The following RNGTT variants were observed in gnomAD, a reference collection of about 807,000 sequenced individuals.
RNGTT encodes RNA guanylyltransferase and 5'-phosphatase.
Under a neutral mutation model 79.3 loss-of-function variants are expected in RNGTT, and 33 were observed. That is an observed-to-expected ratio of 0.42 (90% CI 0.32 to 0.56). RNGTT has a LOEUF of 0.56. RNGTT is among the 20% of genes least tolerant of loss of function. RNGTT has a pLI of 0.17. For missense variants in RNGTT, 497 were observed against 739.1 expected (o/e 0.67, Z 3.80); for synonymous variants, 222 against 235.9 (o/e 0.94, Z 0.54).
intron 13 of RNGTT, among the ~76,000 whole-genome samples, chr6:88,724,549 T>C (rs1216844745): frequency 2.0e-5 from 3 of 152,096 alleles, no homozygotes; most frequent in South Asian, 2.1e-4. Context: ...GAAGAAAATT[T>C]TTCCACAGAC....
intron 13 of RNGTT, among the ~76,000 whole-genome samples, chr6:88,765,440 C>T (rs900626179): frequency 1.3e-5 from 2 of 152,160 alleles, no homozygotes; most frequent in African/African-American, 4.8e-5. Flanking sequence ...GCTGAATTTA[C>T]ATGCATCATT....
chr6:88,664,537 C>CCTA (rs1246057643), intron 14 of RNGTT, among the ~76,000 whole-genome samples: 6 of 152,172 alleles, frequency 3.9e-5, no homozygotes, highest in African/African-American at 1.4e-4. Context: ...GAAATGCTGA[C>CCTA]CTACTAGCTG....
intron 13 of RNGTT, among the ~76,000 whole-genome samples, chr6:88,729,979 T>C (rs1392770704): frequency 2.0e-5 from 3 of 152,146 alleles, no homozygotes; most frequent in Non-Finnish European, 4.4e-5. Context: ...ACACCATGCA[T>C]CTGTGGGTTG....
chr6:88,945,343 G>A (rs1784973541), intron 1 of RNGTT, among the ~76,000 whole-genome samples: 1 of 152,136 alleles, frequency 6.6e-6, no homozygotes, highest in South Asian at 2.1e-4. Context: ...GAAAATATTT[G>A]TCACAGTCAC....
chr6:88,796,848 GT>G (rs1358021422), intron 12 of RNGTT, among the ~76,000 whole-genome samples: 6 of 152,168 alleles, frequency 3.9e-5, no homozygotes, highest in Admixed American at 1.3e-4. Context: ...ATTGCTATCA[GT>G]TATAACTTAC....
intron 13 of RNGTT, among the ~76,000 whole-genome samples, chr6:88,743,394 A>G (rs1447777172): frequency 6.6e-6 from 1 of 152,130 alleles, no homozygotes; most frequent in African/African-American, 2.4e-5. Context: ...ATACATTCAT[A>G]ATGTCATACA....
chr6:88,699,077 C>G (rs73754803), intron 13 of RNGTT, among the ~76,000 whole-genome samples: 3,756 of 152,096 alleles, frequency 0.025, 137 homozygotes, highest in African/African-American at 0.085. Context: ...TTAGATTATT[C>G]CCAAAAAGTG....
chr6:88,648,160 T>C (rs1773650018), intron 14 of RNGTT, among the ~76,000 whole-genome samples: 1 of 152,138 alleles, frequency 6.6e-6, no homozygotes, highest in Non-Finnish European at 1.5e-5. Flanking sequence ...GATATAAAAA[T>C]ATTTTGCTAC....
chr6:88,929,383 T>C lies in RNGTT; in HGVS notation c.175-116A>G, dbSNP rs1784416917. ...CATTTACATTGAGGGAGATTCTGTA[T>C]GTACTTTGCCCCTGAACAATTGATA... is the stretch of plus-strand genomic sequence containing the variant. On this transcript the variant is annotated intron_variant, in intron 2 of 15. Transcript: ENST00000369485. 3 of 646,848 alleles carry C rather than the reference T, an allele frequency of 4.6e-6. No individual in the cohort carries two copies. In the East Asian group the frequency reaches 8.1e-5, roughly 17 times the overall value. The allele number at this position is 646,848 out of a possible 1,614,324, so 40.1% of individuals were successfully genotyped here.
intron 14 of RNGTT, among the ~76,000 whole-genome samples, chr6:88,661,167 C>A: frequency 6.6e-6 from 1 of 151,904 alleles, no homozygotes; most frequent in Non-Finnish European, 1.5e-5. Flanking sequence ...ACAGCAAAAG[C>A]GGTACTAAGA....
intron 8 of RNGTT, among the ~76,000 whole-genome samples, 198 bp downstream of exon 8, chr6:88,890,297 A>T (rs111444474): frequency 1.3e-5 from 2 of 152,232 alleles, no homozygotes; most frequent in African/African-American, 4.8e-5. Flanking sequence ...GAAACCAAAA[A>T]TTTAGCAGAA....
intron 13 of RNGTT, among the ~76,000 whole-genome samples, chr6:88,724,675 T>C (rs1776825961): frequency 6.6e-6 from 1 of 152,206 alleles, no homozygotes; most frequent in African/African-American, 2.4e-5. Context: ...CTTTTGAGAA[T>C]TGTCAGGCAT....
intron 10 of RNGTT, among the ~76,000 whole-genome samples, chr6:88,847,834 C>T (rs554639696): frequency 9.2e-5 from 14 of 151,532 alleles, no homozygotes; most frequent in Non-Finnish European, 1.8e-4. Flanking sequence ...CACATATAAC[C>T]AGGAAAGGAC....
chr6:88,856,239 C>G (rs1365722909), intron 8 of RNGTT, among the ~76,000 whole-genome samples: 1 of 152,062 alleles, frequency 6.6e-6, no homozygotes, highest in Non-Finnish European at 1.5e-5. Flanking sequence ...TTGAGAAAAG[C>G]TGACTTAAGC....
chr6:88,620,599 G>C (rs1373183088), intron 14 of RNGTT, among the ~76,000 whole-genome samples: 1 of 152,056 alleles, frequency 6.6e-6, no homozygotes, highest in Non-Finnish European at 1.5e-5. Context: ...ATAAACATCA[G>C]GTTGGTTTTT....
chr6:88,648,471 TATAATAATA>T (rs200062814), intron 14 of RNGTT, among the ~76,000 whole-genome samples: 2 of 147,018 alleles, frequency 1.4e-5, no homozygotes, highest in East Asian at 2.0e-4. Context: ...CTTAAAGTAT[TATAATAATA>T]ATAATAATAA....
intron 13 of RNGTT, among the ~76,000 whole-genome samples, chr6:88,755,518 T>C (rs1465301025): frequency 6.6e-6 from 1 of 151,680 alleles, no homozygotes; most frequent in Non-Finnish European, 1.5e-5. Flanking sequence ...AGGGATTGGG[T>C]TGGGGAAAAT....
intron 4 of RNGTT, among the ~76,000 whole-genome samples, chr6:88,922,193 C>G (rs1031468627): frequency 1.3e-5 from 2 of 151,968 alleles, no homozygotes; most frequent in African/African-American, 4.8e-5. Flanking sequence ...GCATGTGCCA[C>G]TGGGCCCAGC....
chr6:88,846,042 T>C (rs1464704241), intron 10 of RNGTT, among the ~76,000 whole-genome samples: 1 of 151,310 alleles, frequency 6.6e-6, no homozygotes, highest in Non-Finnish European at 1.5e-5. Context: ...CATATGTAAA[T>C]GTCTAAATTC....
Sources: gnomAD v4.1 joint callset for allele counts (sites outside exome capture counted in the v4.1 genomes callset) on GRCh38, gnomAD v4.1.1 for gene constraint, MANE v1.5 for transcripts, NCBI Gene and HGNC (gene_info 2026-07-23, HGNC 2026-07-21) for gene names.